Variants in SCN10A observed in about 807,000 individuals in gnomAD.
SCN10A encodes the protein sodium voltage-gated channel alpha subunit 10, also known as sodium channel protein type 10 subunit alpha.
A neutral mutation model predicts 170.7 loss-of-function variants in SCN10A; 162 were observed. The ratio of observed to expected loss-of-function variants is 0.95; its 90% confidence interval spans 0.84 to 1.08. The LOEUF (loss-of-function observed/expected upper bound fraction) is 1.08, where lower values mean the gene tolerates loss of function less well. Among genes scored for constraint, SCN10A ranks in the 50% least tolerant of loss-of-function variants. The pLI is 0.00. For synonymous variants in SCN10A, 985 were observed against 904.6 expected (o/e 1.09, Z -1.59); for missense variants, 2,527 against 2,436.9 (o/e 1.04, Z -0.78).
At chr3:38,737,409 A>G (rs1559433520) in intron 15 of SCN10A, among the ~76,000 whole-genome samples, 1 of 152,224 alleles carries the variant, frequency 6.6e-6, no homozygotes, top group Non-Finnish European at 1.5e-5. Context: ...ATTTCTAGAT[A>G]CCTAGAGAAA....
intron 5 of SCN10A, among the ~76,000 whole-genome samples, chr3:38,765,738 A>G (rs900676986): frequency 6.6e-6 from 1 of 151,800 alleles, no homozygotes; most frequent in Non-Finnish European, 1.5e-5. Flanking sequence ...TAGGGTTGTT[A>G]TTTCTATTTC....
At chr3:38,698,700 G>T (rs2063125182) in intron 27 of SCN10A, 138 bp from the exon 28 acceptor site, 3 of 749,318 alleles carry the variant, frequency 4.0e-6, no homozygotes, top group Non-Finnish European at 6.6e-6. Flanking sequence ...GGCCCTCAGA[G>T]CCTGGCATGG....
At chr3:38,788,772 A>T (rs1239862040) in intron 4 of SCN10A, among the ~76,000 whole-genome samples, 184 bp downstream of exon 4, 3 of 152,332 alleles carry the variant, frequency 2.0e-5, no homozygotes, top group African/African-American at 7.2e-5. Flanking sequence ...ACTGAAAATC[A>T]TGTATGTTTA....
chr3:38,752,311 G>A lies in SCN10A; in HGVS notation c.1663C>T (p.Pro555Ser). The stretch of plus-strand genomic sequence containing the variant: ...CTGGAGTCAGGGTTGCTGGGTTGAG[G>A]AAGAGGGCTTCTAGGGAGGGGGCCT... ...QQGPLPRSPL[P>S]QPSNPDSRHG... is the part of the protein sequence containing the mutation. Residue 555 changes from proline (P) to serine (S), a missense_variant, in exon 12 of 28, where the codon CCT becomes TCT. By Grantham distance (74) the Pro-to-Ser change is moderately conservative (BLOSUM62 -1). Transcript: ENST00000449082. 1.2e-6 allele frequency: 2 copies of A among 1,610,930 alleles called. No homozygotes were observed. The highest frequency in any genetic ancestry group is 1.3e-5 in the African/African-American group (1 of 74,872).
chr3:38,702,903 C>G (rs1392058576), intron 26 of SCN10A, among the ~76,000 whole-genome samples: 1 of 152,166 alleles, frequency 6.6e-6, no homozygotes, highest in South Asian at 2.1e-4. Flanking sequence ...TCTTTTAGTG[C>G]TGTGAACATC....
At chr3:38,789,717 C>T (rs2064255954) in intron 3 of SCN10A, among the ~76,000 whole-genome samples, 1 of 151,718 alleles carries the variant, frequency 6.6e-6, no homozygotes, top group Non-Finnish European at 1.5e-5. Context: ...CTCTGAATAG[C>T]TAGAGTGGAG....
At chr3:38,710,612 C>A (rs75088937) in intron 24 of SCN10A, among the ~76,000 whole-genome samples, 1 of 152,086 alleles carries the variant, frequency 6.6e-6, no homozygotes, top group East Asian at 1.9e-4. Flanking sequence ...CAACAGTGAA[C>A]AGAGGAAAAC....
At chr3:38,716,935 G>C (rs1559418971) in intron 21 of SCN10A, among the ~76,000 whole-genome samples, 2 of 152,182 alleles carry the variant, frequency 1.3e-5, no homozygotes, top group African/African-American at 4.8e-5. Context: ...GTGGAAGAAA[G>C]GAAGAATAGA....
chr3:38,707,020 T>C (rs1460072501), intron 26 of SCN10A, among the ~76,000 whole-genome samples: 1 of 152,214 alleles, frequency 6.6e-6, no homozygotes, highest in African/African-American at 2.4e-5. Context: ...ACTCTAAAAC[T>C]GTTGGAGAAA....
rs1559469178 is a variant in SCN10A, at chr3:38,793,851, G to A, written c.160C>T (p.Gln54Ter). 1 of 1,614,046 alleles carries A rather than the reference G, an allele frequency of 6.2e-7. No homozygotes were observed. The highest frequency in any genetic ancestry group is 2.2e-5 in the East Asian group (1 of 44,864). ...TGGTTGCAGGCTTTCAAGTCCAGCT[G>A]GGGCCGAGGCTTCTCTTCTTGGTCC... ...QKDQEEKPRP[Q>*]LDLKACNQLP... is the part of the protein sequence containing the mutation. Residue 54 changes from glutamine to a stop codon, truncating the protein, a stop_gained, in exon 2 of 28, where the codon CAG (glutamine) becomes TAG (stop). Transcript: ENST00000449082. LOFTEE classifies it high-confidence loss of function.
Position 38,697,277 on chromosome 3 carries a change from G to A in SCN10A, c.*72C>T. On this transcript the variant is annotated 3_prime_UTR_variant, in exon 28 of 28. Transcript: ENST00000449082. ...GTGAGGCTGTAGCTGGGTGTGATCT[G>A]CAATGGGAAAGAGTTAACACAGAGC... 1 of 1,563,846 alleles carries A rather than the reference G, an allele frequency of 6.4e-7. No individual in the cohort carries two copies. Among genetic ancestry groups the A allele is most frequent in the Non-Finnish European group, 8.7e-7 (1 of 1,154,204 alleles).
chr3:38,713,539 G>T (rs2063298325), intron 22 of SCN10A, among the ~76,000 whole-genome samples: 1 of 152,062 alleles, frequency 6.6e-6, no homozygotes, highest in African/African-American at 2.4e-5. Flanking sequence ...ACTTGAAAGA[G>T]AACTAAGAGA....
intron 4 of SCN10A, among the ~76,000 whole-genome samples, chr3:38,777,397 C>T (rs1224849586): frequency 4.0e-5 from 6 of 151,882 alleles, no homozygotes; most frequent in Non-Finnish European, 8.8e-5. Context: ...ACCAAAATTG[C>T]AATGTACCTA....
intron 4 of SCN10A, among the ~76,000 whole-genome samples, chr3:38,779,902 C>T (rs1314436819): frequency 6.6e-6 from 1 of 151,408 alleles, no homozygotes; most frequent in African/African-American, 2.4e-5. Context: ...CTTTCTGGAG[C>T]TTATTGAGGT....
intron 5 of SCN10A, among the ~76,000 whole-genome samples, chr3:38,765,771 C>A (rs1227030731): frequency 1.3e-5 from 2 of 151,954 alleles, no homozygotes; most frequent in African/African-American, 4.8e-5. Flanking sequence ...TGTGGTACTT[C>A]AATGGAAATT....
intron 26 of SCN10A, 61 bp downstream of exon 26, chr3:38,707,218 G>T: frequency 3.2e-6 from 5 of 1,560,708 alleles, no homozygotes; most frequent in Non-Finnish European, 4.4e-6. Context: ...CCTGACACAG[G>T]CATAGACTGT....
At chr3:38,777,777 G>T (rs923869741) in intron 4 of SCN10A, among the ~76,000 whole-genome samples, 1 of 152,090 alleles carries the variant, frequency 6.6e-6, no homozygotes, top group Non-Finnish European at 1.5e-5. Context: ...GTAGACATGG[G>T]AATCTGGTGC....
chr3:38,803,495 T>G (rs1379942101), intron 1 of SCN10A, among the ~76,000 whole-genome samples: 1 of 152,064 alleles, frequency 6.6e-6, no homozygotes, highest in African/African-American at 2.4e-5. Flanking sequence ...TTCATGTCCT[T>G]TGTAGGGACA....
chr3:38,805,012 C>A (rs556095850), intron 1 of SCN10A, among the ~76,000 whole-genome samples: 1 of 152,112 alleles, frequency 6.6e-6, no homozygotes, highest in East Asian at 1.9e-4. Context: ...GAATAAGTAC[C>A]GTGGAGTGGA....
Sources: allele counts gnomAD v4.1 joint callset (sites outside exome capture counted in the v4.1 genomes callset), GRCh38; gene constraint gnomAD v4.1.1; transcripts MANE v1.5; gene names NCBI Gene and HGNC (gene_info 2026-07-23, HGNC 2026-07-21).